CSMD1: variants seen among roughly 807,000 people sequenced by gnomAD.
The protein encoded by CSMD1 is CUB and Sushi multiple domains 1.
Under a neutral mutation model 417.5 loss-of-function variants are expected in CSMD1, and 213 were observed. That is an observed-to-expected ratio of 0.51 (90% confidence interval 0.46 to 0.57). The LOEUF is 0.57. Ranked by LOEUF, CSMD1 falls within the 20% of genes least tolerant of loss-of-function variation. The pLI is 0.00. For missense variants in CSMD1, 6,923 were observed against 4,529.7 expected, an observed-to-expected ratio of 1.53 and a Z score of -15.17; for synonymous variants, 2,862 against 1,736.8, an observed-to-expected ratio of 1.65 and a Z score of -16.11.
intron 26 of CSMD1, among the ~76,000 whole-genome samples, chr8:3,254,832 C>G (rs536158332): frequency 6.6e-6 from 1 of 152,044 alleles, no homozygotes; most frequent in Admixed American, 6.6e-5. Context: ...TCCTTTAGCT[C>G]GGGGTCGTTT....
intron 2 of CSMD1, among the ~76,000 whole-genome samples, chr8:4,622,823 G>T (rs1801860198): frequency 6.6e-6 from 1 of 152,110 alleles, no homozygotes; most frequent in African/African-American, 2.4e-5. Context: ...AAGTTGAGCT[G>T]CCTCTCTTTG....
chr8:3,368,623 G>T (rs1809755033), intron 19 of CSMD1, among the ~76,000 whole-genome samples: 1 of 152,174 alleles, frequency 6.6e-6, no homozygotes, highest in Non-Finnish European at 1.5e-5. Context: ...ACAAGCGTGA[G>T]TCACTTCACC....
chr8:4,131,184 A>C (rs1803080125), intron 3 of CSMD1, among the ~76,000 whole-genome samples: 1 of 152,208 alleles, frequency 6.6e-6, no homozygotes, highest in Non-Finnish European at 1.5e-5. Flanking sequence ...GTACATCAAA[A>C]GACTTCATAG....
rs1806613773 is a variant in CSMD1, at chr8:2,993,697, T to C, written c.8377+4314A>G. ...AAAATACAAAGGGAAGCTCTTGGTTTTGTTTCTAATGTTTTAAAAGACGAG... is the reference window on the plus strand; with the variant it reads ...AAAATACAAAGGGAAGCTCTTGGTTCTGTTTCTAATGTTTTAAAAGACGAG... On this transcript the variant is annotated intron_variant, in intron 54 of 69. Transcript: ENST00000635120. Among the ~76,000 whole-genome samples the C allele has an allele frequency of 2.0e-5, 3 of 152,162 alleles. No individual in the cohort carries two copies. In the South Asian group the frequency reaches 6.2e-4, roughly 32 times the overall value.
chr8:4,739,063 A>C (rs186046096), intron 1 of CSMD1, among the ~76,000 whole-genome samples: 1 of 152,324 alleles, frequency 6.6e-6, no homozygotes, highest in East Asian at 1.9e-4. Flanking sequence ...ATTCTTTTTA[A>C]ACACACACAT....
chr8:4,246,966 T>G (rs1242239544), intron 3 of CSMD1, among the ~76,000 whole-genome samples: 5 of 152,204 alleles, frequency 3.3e-5, no homozygotes, highest in Admixed American at 6.5e-5. Flanking sequence ...GGAAACACTT[T>G]AGACGAAGTA....
chr8:3,051,246 A>G (rs1811795907), intron 50 of CSMD1, among the ~76,000 whole-genome samples: 2 of 152,370 alleles, frequency 1.3e-5, no homozygotes, highest in African/African-American at 2.4e-5. Context: ...ATGCATACAC[A>G]TCATGGAATA....
intron 7 of CSMD1, among the ~76,000 whole-genome samples, chr8:3,648,692 A>T (rs1405974241): frequency 6.6e-6 from 1 of 152,212 alleles, no homozygotes; most frequent in Non-Finnish European, 1.5e-5. Flanking sequence ...TCCTATAAAA[A>T]TGGTCTAAAA....
intron 1 of CSMD1, among the ~76,000 whole-genome samples, chr8:4,816,636 G>A (rs1484588428): frequency 2.0e-5 from 3 of 152,144 alleles, no homozygotes; most frequent in African/African-American, 4.8e-5. Context: ...ACCTGTTCCC[G>A]ACCGTATGGC....
At chr8:3,618,847 G>A (rs1000467459) in intron 7 of CSMD1, among the ~76,000 whole-genome samples, 38 of 152,140 alleles carry the variant, frequency 2.5e-4, no homozygotes, top group African/African-American at 7.5e-4. Context: ...GAGAGGAAGC[G>A]GCCCAGTGAC....
At chr8:3,528,109 C>A (rs1322501795) in intron 10 of CSMD1, among the ~76,000 whole-genome samples, 2 of 152,162 alleles carry the variant, frequency 1.3e-5, no homozygotes, top group Non-Finnish European at 2.9e-5. Context: ...ATGAGGAATA[C>A]TGGAAAGTGA....
chr8:3,944,796 G>C (rs1035514719), intron 5 of CSMD1, among the ~76,000 whole-genome samples: 3 of 152,196 alleles, frequency 2.0e-5, no homozygotes, highest in African/African-American at 7.2e-5. Flanking sequence ...GATCTATTCT[G>C]TTTTTGCGTT....
chr8:4,959,414 C>G (rs1440840539), intron 1 of CSMD1, among the ~76,000 whole-genome samples: 1 of 152,222 alleles, frequency 6.6e-6, no homozygotes. Flanking sequence ...TTGCACTGGA[C>G]ACAAGTGAGG....
At chr8:4,043,760 C>G (rs1465669649) in intron 3 of CSMD1, among the ~76,000 whole-genome samples, 3 of 152,096 alleles carry the variant, frequency 2.0e-5, no homozygotes, top group Non-Finnish European at 4.4e-5. Flanking sequence ...TCTTGCTGAG[C>G]TCTTTCAAAT....
In CSMD1 at chr8:4,469,596, T is replaced by C. The variant is rs546974047; in HGVS notation, c.303-49531A>G. ...CTTGTGCAAACACCTTGGAGTGGTC[T>C]TTGACTCTGTGTATTCCTGACATCC... is the stretch of plus-strand genomic sequence containing the variant. On this transcript the variant is annotated intron_variant, in intron 2 of 69. Transcript: ENST00000635120. Among the ~76,000 whole-genome samples the C allele has an allele frequency of 3.1e-4, 47 of 152,288 alleles. 1 individual carries two copies. The South Asian group carries it at 9.3e-3, about 30-fold the overall frequency.
chr8:3,183,846 A>C (rs1446084269), intron 36 of CSMD1, among the ~76,000 whole-genome samples: 1 of 152,184 alleles, frequency 6.6e-6, no homozygotes, highest in Non-Finnish European at 1.5e-5. Flanking sequence ...CACTTAATTC[A>C]TATTATTTTC....
At chr8:4,984,902 C>G (rs558425074) in intron 1 of CSMD1, among the ~76,000 whole-genome samples, 27 of 152,258 alleles carry the variant, frequency 1.8e-4, no homozygotes, top group African/African-American at 6.5e-4. Flanking sequence ...TATGTGCTAG[C>G]ATGCAGAGCA....
At chr8:3,363,442 A>C (rs189061063) in intron 20 of CSMD1, among the ~76,000 whole-genome samples, 1 of 152,198 alleles carries the variant, frequency 6.6e-6, no homozygotes, top group Non-Finnish European at 1.5e-5. Flanking sequence ...GAAAAGAAGA[A>C]AGGCTGCATG....
At chr8:4,326,469 C>T (rs1473207565) in intron 3 of CSMD1, among the ~76,000 whole-genome samples, 1 of 151,956 alleles carries the variant, frequency 6.6e-6, no homozygotes, top group African/African-American at 2.4e-5. Context: ...ATATGCTTGA[C>T]ATAAGGAAGT....
Sources: allele counts gnomAD v4.1 joint callset (sites outside exome capture counted in the v4.1 genomes callset), GRCh38; gene constraint gnomAD v4.1.1; transcripts MANE v1.5; gene names NCBI Gene and HGNC (gene_info 2026-07-23, HGNC 2026-07-21).